The following FRA10AC1 variants were observed in gnomAD, a reference collection of about 807,000 sequenced individuals.
The protein encoded by FRA10AC1 is protein FRA10AC1.
FRA10AC1 carries 43 observed loss-of-function variants against 56.5 expected under a neutral mutation model. The observed-to-expected ratio is 0.76, with a 90% CI of 0.60 to 0.98. The LOEUF is 0.98. Ranked by LOEUF, FRA10AC1 falls within the 50% of genes least tolerant of loss-of-function variation. The pLI is 0.00. For missense variants in FRA10AC1, 346 were observed against 351.8 expected (o/e 0.98, Z 0.13); for synonymous variants, 112 against 110.5 (o/e 1.01, Z -0.09).
rs1346769827 is a variant in FRA10AC1 at position 93,702,516 on chromosome 10, A to ACCGCCGCCG, written c.-143_-142insCGGCGGCGG. The ACCGCCGCCG allele has an allele frequency of 1.4e-4, 22 of 151,824 alleles. 4 individuals are homozygous for ACCGCCGCCG. Among genetic ancestry groups the ACCGCCGCCG allele is most frequent in the Non-Finnish European group, 2.5e-4 (20 of 80,988 alleles). 9.4% of individuals were successfully genotyped at this position (151,824 alleles called of 1,614,324 possible). A position where few individuals can be genotyped will look rare whatever the true frequency, so the allele number is the denominator to read the frequency against. Reference sequence around the variant, plus strand: ...CGCCCTGCCGCACAGCCTCGCCACAACCACCACCGCCGCCGCCGCCGCCGC... The same window carrying ACCGCCGCCG: ...CGCCCTGCCGCACAGCCTCGCCACAACCGCCGCCGCCACCACCGCCGCCGCCGCCGCCGC... On this transcript the variant is annotated 5_prime_UTR_variant, in exon 1 of 14. Transcript: ENST00000359204.
chr10:93,669,874 T>G lies in FRA10AC1; in HGVS notation c.906-6A>C. The G allele has an allele frequency of 7.2e-7, 1 of 1,380,206 alleles. No homozygotes were observed. Among genetic ancestry groups the G allele is most frequent in the Non-Finnish European group, 9.9e-7 (1 of 1,007,048 alleles). 85.5% of individuals were successfully genotyped at this position (1,380,206 alleles called of 1,614,324 possible). On this transcript the variant is annotated splice_region_variant and splice_polypyrimidine_tract_variant and intron_variant, in intron 13 of 13. Coordinates refer to ENST00000359204, the MANE Select transcript of FRA10AC1 (RefSeq NM_145246.5). ...ACTCATCAAATTCTTCTTCCCTATT[T>G]AAAAAAAAAAGCATACTTAAGATCA...
chr10:93,700,072 C>G lies in FRA10AC1; in HGVS notation c.35G>C (p.Ser12Thr), dbSNP rs755801351. ...HGHGGYDSDF[S>T]DDERCGESSK... ...GGATTCTCCACAGCGTTCATCATCACTAAAATCAGAATCATAGCCTCCATG... is the reference window on the plus strand; with the variant it reads ...GGATTCTCCACAGCGTTCATCATCAGTAAAATCAGAATCATAGCCTCCATG... The change falls in exon 2 of 14, where the codon AGT becomes ACT. Residue 12 changes from serine (S) to threonine (T), a missense_variant. By Grantham distance (58) the Ser-to-Thr change is moderately conservative. Coordinates refer to ENST00000359204, the MANE Select transcript of FRA10AC1 (RefSeq NM_145246.5). 5 of 1,604,228 alleles carry G rather than the reference C, an allele frequency of 3.1e-6. No individual in the cohort carries two copies. The African/African-American group carries it at 5.4e-5, about 17-fold the overall frequency.
intron 11 of FRA10AC1, among the ~76,000 whole-genome samples, chr10:93,680,399 TAAC>T (rs905492767): frequency 5.9e-5 from 9 of 152,210 alleles, no homozygotes; most frequent in African/African-American, 1.4e-4. Context: ...AGCAATAAAA[TAAC>T]AATATCTTCC....
At chr10:93,698,209 T>C (rs1380451358) in intron 3 of FRA10AC1, 28 bp from the exon 4 acceptor site, 3 of 1,534,646 alleles carry the variant, frequency 2.0e-6, no homozygotes, top group East Asian at 4.5e-5. Flanking sequence ...TTTAAGAAAA[T>C]TCAAAATGTT....
intron 7 of FRA10AC1, among the ~76,000 whole-genome samples, chr10:93,691,456 C>A (rs1256873542): frequency 6.6e-6 from 1 of 152,196 alleles, no homozygotes; most frequent in East Asian, 1.9e-4. Context: ...AGATTACAGG[C>A]ATGAGCCATC....
chr10:93,702,551 C>T lies in FRA10AC1; in HGVS notation c.-177G>A. 4.3e-6 allele frequency: 1 copy of T among 232,212 alleles called. No homozygotes were observed. The highest frequency in any genetic ancestry group is 5.1e-5 in the South Asian group (1 of 19,476). 14.4% of individuals were successfully genotyped at this position (232,212 alleles called of 1,614,324 possible). On this transcript the variant is annotated 5_prime_UTR_variant, in exon 1 of 14. Transcript: ENST00000359204. ...CCGCCGCCGCCGCCGCCGCCGCCCG[C>T]AACCCGCCTCTCCCTACGGGTCCCG...
chr10:93,694,766 G>T, intron 5 of FRA10AC1, 95 bp downstream of exon 5: 1 of 621,564 alleles, frequency 1.6e-6, no homozygotes, highest in South Asian at 1.8e-5. Context: ...ATAGAAAGCA[G>T]GGAAGAATGA....
intron 7 of FRA10AC1, among the ~76,000 whole-genome samples, chr10:93,689,482 CAT>C (rs1045643926): frequency 2.0e-5 from 3 of 152,164 alleles, no homozygotes; most frequent in African/African-American, 4.8e-5. Flanking sequence ...TGCCATCCAA[CAT>C]ATGTTAGGAT....
At chr10:93,670,404 G>A (rs894974081) in intron 13 of FRA10AC1, among the ~76,000 whole-genome samples, 1 of 151,972 alleles carries the variant, frequency 6.6e-6, no homozygotes, top group Non-Finnish European at 1.5e-5. Context: ...AAGACCAGTG[G>A]GATAGCAGTA....
chr10:93,702,470 C>A lies in FRA10AC1; in HGVS notation c.-96G>T. ...GCGACGACCCACGGCCTGAGAGAGC[C>A]GCTGCAGCACAGGTCCCGTGCGCCC... On this transcript the variant is annotated 5_prime_UTR_variant, in exon 1 of 14. Transcript: ENST00000359204. 5.8e-6 allele frequency: 1 copy of A among 172,482 alleles called. No homozygotes were observed. Among genetic ancestry groups the A allele is most frequent in the Non-Finnish European group, 1.2e-5 (1 of 80,966 alleles). The allele number at this position is 172,482 out of a possible 1,614,324, so 10.7% of individuals were successfully genotyped here.
chr10:93,690,948 GA>G (rs2059115406), intron 7 of FRA10AC1, among the ~76,000 whole-genome samples: 1 of 152,114 alleles, frequency 6.6e-6, no homozygotes, highest in Admixed American at 6.5e-5. Flanking sequence ...AGGCACTACT[GA>G]AAAAATTATT....
At chr10:93,680,017 T>C (rs1300357484) in intron 11 of FRA10AC1, among the ~76,000 whole-genome samples, 3 of 152,176 alleles carry the variant, frequency 2.0e-5, no homozygotes, top group Non-Finnish European at 4.4e-5. Flanking sequence ...AAAATGTCTA[T>C]AAGGAAGATC....
At chr10:93,680,186 T>C (rs2058910621) in intron 11 of FRA10AC1, among the ~76,000 whole-genome samples, 1 of 152,176 alleles carries the variant, frequency 6.6e-6, no homozygotes, top group South Asian at 2.1e-4. Context: ...ATCACAGTTG[T>C]GATAAGAATG....
chr10:93,673,436 A>C (rs1421000346), intron 12 of FRA10AC1: 2 of 448,392 alleles, frequency 4.5e-6, no homozygotes, highest in Non-Finnish European at 8.9e-6. Context: ...ACCTGCTTCA[A>C]GTTTTCAATG....
Position 93,694,946 on chromosome 10 carries a change from C to A in FRA10AC1, c.220-9G>T. 1 of 1,371,462 alleles carries A rather than the reference C, an allele frequency of 7.3e-7. No homozygotes were observed. Among genetic ancestry groups the A allele is most frequent in the African/African-American group, 1.4e-5 (1 of 71,448 alleles). 85.0% of individuals were successfully genotyped at this position (1,371,462 alleles called of 1,614,324 possible). ...TTTGTATGTCTTTGATACTGAAATG[C>A]AAAAAATTAAGGATTTTATTCTCTT... On this transcript the variant is annotated splice_polypyrimidine_tract_variant and intron_variant, in intron 4 of 13. Coordinates refer to ENST00000359204, the MANE Select transcript of FRA10AC1 (RefSeq NM_145246.5).
At chr10:93,677,125 C>T (rs1487670295) in intron 11 of FRA10AC1, among the ~76,000 whole-genome samples, 1 of 151,974 alleles carries the variant, frequency 6.6e-6, no homozygotes, top group Non-Finnish European at 1.5e-5. Flanking sequence ...TTCTCAGAAA[C>T]TGATAAGAAC....
Position 93,685,344 on chromosome 10 carries a change from C to T in FRA10AC1, c.527G>A (p.Gly176Glu). 6.6e-7 allele frequency: 1 copy of T among 1,514,090 alleles called. No individual in the cohort carries two copies. Among genetic ancestry groups the T allele is most frequent in the Non-Finnish European group, 9.1e-7 (1 of 1,095,358 alleles). The allele number at this position is 1,514,090 out of a possible 1,614,324, so 93.8% of individuals were successfully genotyped here. The stretch of plus-strand genomic sequence containing the variant: ...TTCTTTTTTATCACAATATTTATTT[C>T]CACAGAAAAATTGACCTGCAGAAAG... The part of the protein sequence containing the change: ...VISGKGQFFC[G>E]NKYCDKKEGL... Residue 176 changes from glycine to glutamate, a missense_variant, in exon 9 of 14, where the codon GGA (glycine) becomes GAA (glutamate). Transcript: ENST00000359204.
chr10:93,679,676 G>C (rs2058900126), intron 11 of FRA10AC1, among the ~76,000 whole-genome samples: 1 of 152,104 alleles, frequency 6.6e-6, no homozygotes, highest in Non-Finnish European at 1.5e-5. Context: ...GAACCTTTTA[G>C]CTTTGTCCAG....
intron 12 of FRA10AC1, chr10:93,672,185 G>A: frequency 2.8e-6 from 1 of 356,860 alleles, no homozygotes. Context: ...TGTTACGGTA[G>A]TTCTAGCCTT....
Sources: gnomAD v4.1 joint callset for allele counts (sites outside exome capture counted in the v4.1 genomes callset) on GRCh38, gnomAD v4.1.1 for gene constraint, MANE v1.5 for transcripts, NCBI Gene and HGNC (gene_info 2026-07-23, HGNC 2026-07-21) for gene names.